The following ACSL1 variants were observed in gnomAD, a reference collection of about 807,000 sequenced individuals.
ACSL1 encodes acyl-CoA synthetase long chain family member 1, also known as long-chain-fatty-acid--CoA ligase 1.
A neutral mutation model predicts 98.4 loss-of-function variants in ACSL1; 41 were observed. The ratio of observed to expected loss-of-function variants is 0.42; its 90% CI spans 0.32 to 0.54. The LOEUF (loss-of-function observed/expected upper bound fraction) is 0.54, where lower values mean the gene tolerates loss of function less well. ACSL1 is among the 20% of genes least tolerant of loss of function. The pLI is 0.13. For synonymous variants in ACSL1, 316 were observed against 322.7 expected (o/e 0.98, Z 0.22); for missense variants, 734 against 883.1 (o/e 0.83, Z 2.14).
chr4:184,818,327 C>T (rs1772796123), intron 1 of ACSL1, among the ~76,000 whole-genome samples: 1 of 152,134 alleles, frequency 6.6e-6, no homozygotes, highest in African/African-American at 2.4e-5. Flanking sequence ...ATCTCCTCCC[C>T]TCTCACACCC....
intron 1 of ACSL1, among the ~76,000 whole-genome samples, chr4:184,812,630 G>A (rs1772234715): frequency 6.6e-6 from 1 of 152,128 alleles, no homozygotes; most frequent in African/African-American, 2.4e-5. Context: ...TAGAATGTCA[G>A]CCCAAGACTG....
At chr4:184,762,378 G>C in intron 17 of ACSL1, 29 bp downstream of exon 17, 1 of 1,561,850 alleles carries the variant, frequency 6.4e-7, no homozygotes, top group Non-Finnish European at 8.8e-7. Flanking sequence ...GAACTGAACT[G>C]TTTGTGACCT....
Position 184,757,896 on chromosome 4 carries a change from G to A in ACSL1, c.1807C>T (p.Pro603Ser). 1 of 1,614,046 alleles carries A rather than the reference G, an allele frequency of 6.2e-7. No individual in the cohort carries two copies. The highest frequency in any genetic ancestry group is 1.1e-5 in the South Asian group (1 of 91,082). The change falls in exon 19 of 21, where the codon CCA (proline) becomes TCA (serine). Residue 603 changes from proline (P) to serine (S), a missense_variant. By Grantham distance (74) the Pro-to-Ser change is moderately conservative. Transcript: ENST00000281455. The surrounding 1 kb of genome is among the most constrained non-coding windows in gnomAD (Gnocchi z 4.5). ...CAGGAACATAATGTCTCAACATCTG[G>A]TACCACAATTGCAATGAGAAATGCC... ...LQAFLIAIVV[P>S]DVETLCSWAQ...
chr4:184,819,572 G>A (rs768967760), intron 1 of ACSL1, among the ~76,000 whole-genome samples: 1 of 152,120 alleles, frequency 6.6e-6, no homozygotes, highest in African/African-American at 2.4e-5. Flanking sequence ...CAGTCAGGCA[G>A]ATGACAGCAC....
intron 11 of ACSL1, among the ~76,000 whole-genome samples, chr4:184,768,671 TA>T (rs1764003128): frequency 6.6e-6 from 1 of 152,206 alleles, no homozygotes. Flanking sequence ...TGGGACTCAG[TA>T]AAAAACCAGG....
At position 184,803,442 on chromosome 4, in the gene ACSL1, G is replaced by A; in HGVS notation, c.73C>T (p.Leu25Phe). 6.2e-7 allele frequency: 1 copy of A among 1,613,964 alleles called. No individual in the cohort carries two copies. The highest frequency in any genetic ancestry group is 8.5e-7 in the Non-Finnish European group (1 of 1,179,958). Residue 25 changes from leucine (L) to phenylalanine (F), a missense_variant, in exon 2 of 21, where the codon CTT becomes TTT. By Grantham distance (22) the Leu-to-Phe change is conservative. Coordinates refer to ENST00000281455, the MANE Select transcript of ACSL1 (RefSeq NM_001995.5). The surrounding 1 kb of genome is among the most constrained non-coding windows in gnomAD (Gnocchi z 4.8). ...LVDFRQYVRT[L>F]PTNTLMGFGA... The stretch of plus-strand genomic sequence containing the variant: ...AAGCCCATAAGCGTGTTGGTCGGAA[G>A]AGTACGCACGTACTGTCGGAAGTCA...
rs1772385480 is a variant in ACSL1 at position 184,814,104 on chromosome 4, C to T, written c.-32-10558G>A. Among the ~76,000 whole-genome samples the T allele has an allele frequency of 5.9e-5, 9 of 152,028 alleles. 1 individual carries two copies. Among genetic ancestry groups the T allele is most frequent in the Admixed American group, 5.9e-4 (9 of 15,250 alleles). ...AGGAGATCAAGACCATCCTGGCTCA[C>T]ACGGTGAAACCCCGTCTCTACTAAA... On this transcript the variant is annotated intron_variant, in intron 1 of 20. Transcript: ENST00000281455.
intron 2 of ACSL1, among the ~76,000 whole-genome samples, chr4:184,793,529 T>A (rs1768787300): frequency 6.6e-6 from 1 of 152,230 alleles, no homozygotes; most frequent in African/African-American, 2.4e-5. Flanking sequence ...GCCCAAGCTT[T>A]ACCACTCATA....
rs754401543 is a variant in ACSL1, at chr4:184,780,381, T to C, written c.428A>G (p.Lys143Arg). The change falls in exon 5 of 21, where the codon AAG becomes AGG. Residue 143 changes from lysine (K) to arginine (R), a missense_variant. By Grantham distance (26) the Lys-to-Arg change is conservative. Transcript: ENST00000281455. ...IGSALIQKGF[K>R]TAPDQFIGIF... ...GCCAATGAACTGATCTGGGGCAGTC[T>C]TGAAGCCCTTCTGGATCAGTGCTGA... The C allele has an allele frequency of 2.5e-6, 4 of 1,613,852 alleles. No homozygotes were observed. The highest frequency in any genetic ancestry group is 3.4e-6 in the Non-Finnish European group (4 of 1,179,952).
chr4:184,825,079 G>A lies in ACSL1; in HGVS notation c.-33+837C>T. 1.4e-6 allele frequency: 1 copy of A among 722,964 alleles called. No individual in the cohort carries two copies. Among genetic ancestry groups the A allele is most frequent in the Middle Eastern group, 7.0e-4 (1 of 1,438 alleles). The allele number at this position is 722,964 out of a possible 1,614,324, so 44.8% of individuals were successfully genotyped here. A position where few individuals can be genotyped will look rare whatever the true frequency, so the allele number is the denominator to read the frequency against. ...AGTCTTAGCCAGGGCACTAGAGAAC[G>A]CTTTTAGAATGGTCACTCTTAATTA... On this transcript the variant is annotated intron_variant, in intron 1 of 20. Coordinates refer to ENST00000281455, the MANE Select transcript of ACSL1 (RefSeq NM_001995.5). This position sits in a 1 kb window ranked among gnomAD's most constrained non-coding sequence, Gnocchi z 4.7.
intron 2 of ACSL1, among the ~76,000 whole-genome samples, chr4:184,789,253 A>G (rs1767936851): frequency 6.6e-6 from 1 of 152,206 alleles, no homozygotes; most frequent in South Asian, 2.1e-4. Context: ...CAGACCTACA[A>G]GTGCTGGTCC....
At position 184,756,771 on chromosome 4, in the gene ACSL1, T is replaced by C. The variant is rs560004666; in HGVS notation, c.*354A>G. ...CAGCAAGTAGCAGACATCTCAGAGATAGCAAAGTCCTAACCCCTTGATTAG... is the reference window on the plus strand; with the variant it reads ...CAGCAAGTAGCAGACATCTCAGAGACAGCAAAGTCCTAACCCCTTGATTAG... On this transcript the variant is annotated 3_prime_UTR_variant, in exon 21 of 21. Transcript: ENST00000281455. 5.8e-6 allele frequency: 1 copy of C among 173,380 alleles called. No homozygotes were observed. The highest frequency in any genetic ancestry group is 1.6e-4 in the East Asian group (1 of 6,264). The allele number at this position is 173,380 out of a possible 1,614,324, so 10.7% of individuals were successfully genotyped here. A position where few individuals can be genotyped will look rare whatever the true frequency, so the allele number is the denominator to read the frequency against.
intron 1 of ACSL1, chr4:184,812,162 C>T (rs918929481): frequency 7.1e-6 from 7 of 984,044 alleles, no homozygotes; most frequent in Middle Eastern, 5.2e-4. Context: ...ACACTTACAG[C>T]GAATGGTACT....
At chr4:184,764,760 T>C in intron 15 of ACSL1, 93 bp downstream of exon 15, 1 of 1,139,296 alleles carries the variant, frequency 8.8e-7, no homozygotes, top group Non-Finnish European at 1.2e-6. Flanking sequence ...TTAAGATGGT[T>C]AATGAACCAG....
chr4:184,815,260 T>C (rs1772521189), intron 1 of ACSL1, among the ~76,000 whole-genome samples: 1 of 152,106 alleles, frequency 6.6e-6, no homozygotes, highest in South Asian at 2.1e-4. Context: ...AGCCAGACAG[T>C]GCTGTGAGCA....
At chr4:184,821,459 C>T (rs1482376805) in intron 1 of ACSL1, among the ~76,000 whole-genome samples, 2 of 152,170 alleles carry the variant, frequency 1.3e-5, no homozygotes, top group East Asian at 3.9e-4. Flanking sequence ...AGGCAGGCCC[C>T]GTTTCCTCCT....
chr4:184,801,151 A>C (rs1050214966), intron 2 of ACSL1, among the ~76,000 whole-genome samples: 1 of 152,302 alleles, frequency 6.6e-6, no homozygotes, highest in East Asian at 1.9e-4. Flanking sequence ...CACTGCACCC[A>C]GCTCTACAAT....
Position 184,766,070 on chromosome 4 carries a change from C to A in ACSL1, c.1264-84G>T. 2.2e-6 allele frequency: 3 copies of A among 1,339,060 alleles called. No homozygotes were observed. In the Admixed American group the frequency reaches 5.5e-5, roughly 25 times the overall value. The allele number at this position is 1,339,060 out of a possible 1,614,324, so 82.9% of individuals were successfully genotyped here. On this transcript the variant is annotated intron_variant, in intron 13 of 20. Coordinates refer to ENST00000281455, the MANE Select transcript of ACSL1 (RefSeq NM_001995.5). The surrounding 1 kb of genome is among the most constrained non-coding windows in gnomAD (Gnocchi z 4.8). Reference sequence around the variant, plus strand: ...CTCCGCCAAGGGGGCCTGCTTGGGACCCCGTTCCCTAACCCATAGCTGCAG... The same window carrying A: ...CTCCGCCAAGGGGGCCTGCTTGGGAACCCGTTCCCTAACCCATAGCTGCAG...
chr4:184,823,149 T>C (rs957331710), intron 1 of ACSL1, among the ~76,000 whole-genome samples: 2 of 152,214 alleles, frequency 1.3e-5, no homozygotes, highest in African/African-American at 2.4e-5. Context: ...GACTACCAAG[T>C]TGGACTGCCA....
Sources: allele counts gnomAD v4.1 joint callset (sites outside exome capture counted in the v4.1 genomes callset), GRCh38; gene constraint gnomAD v4.1.1; non-coding constraint Gnocchi (gnomAD v3.1); transcripts MANE v1.5; gene names NCBI Gene and HGNC (gene_info 2026-07-23, HGNC 2026-07-21).